The following MYO5C variants were observed in gnomAD, a reference collection of about 807,000 sequenced individuals.
MYO5C encodes myosin VC.
MYO5C carries 194 observed loss-of-function variants against 235.7 expected under a neutral mutation model. That is an observed-to-expected ratio of 0.82 (90% CI 0.73 to 0.93). MYO5C has a LOEUF of 0.93. Ranked by LOEUF, MYO5C falls within the 40% of genes least tolerant of loss-of-function variation. MYO5C has a pLI of 0.00. For missense variants in MYO5C, 2,038 were observed against 2,127.2 expected (o/e 0.96, Z 0.82); for synonymous variants, 707 against 754.8 (o/e 0.94, Z 1.04).
intron 5 of MYO5C, among the ~76,000 whole-genome samples, 182 bp downstream of exon 5, chr15:52,275,380 A>G (rs2037019521): frequency 6.6e-6 from 1 of 152,178 alleles, no homozygotes; most frequent in South Asian, 2.1e-4. Flanking sequence ...AGAGCCTTGA[A>G]AGTAACAATT....
chr15:52,238,931 G>A (rs1418124184), intron 21 of MYO5C, among the ~76,000 whole-genome samples: 1 of 149,078 alleles, frequency 6.7e-6, no homozygotes, highest in Admixed American at 6.7e-5. Context: ...GTGAGCCACC[G>A]CACCCAGCTG....
intron 29 of MYO5C, 131 bp from the exon 30 acceptor site, chr15:52,221,386 G>A (rs1381045888): frequency 2.1e-5 from 13 of 620,178 alleles, no homozygotes; most frequent in African/African-American, 5.5e-5. Flanking sequence ...AGCTAGCCAC[G>A]ACATTAGACT....
chr15:52,245,453 G>A lies in MYO5C; in HGVS notation c.2079C>T (p.Ile693=), dbSNP rs764353928. 60 of 1,613,092 alleles carry A rather than the reference G, an allele frequency of 3.7e-5. 2 individuals are homozygous for A. Among genetic ancestry groups the A allele is most frequent in the South Asian group, 2.9e-4 (26 of 91,068 alleles). ...AQSYPSRWTY[I]EFYSRYGILM... ...GAATGCCGTAGCGACTGTAGAACTC[G>A]ATGTATGTCCACCTGGAAAATCAAA... Residue 693 remains isoleucine (I), a synonymous_variant, in exon 18 of 41, where the codon ATC becomes ATT. Coordinates refer to ENST00000261839, the MANE Select transcript of MYO5C (RefSeq NM_018728.4).
intron 32 of MYO5C, among the ~76,000 whole-genome samples, chr15:52,217,216 C>T (rs1026058542): frequency 3.9e-5 from 6 of 152,178 alleles, no homozygotes; most frequent in Admixed American, 6.5e-5. Flanking sequence ...GAGGCTACTC[C>T]GGGTTCAGAA....
chr15:52,200,382 A>G (rs1447305737), intron 38 of MYO5C, among the ~76,000 whole-genome samples: 3 of 152,150 alleles, frequency 2.0e-5, no homozygotes, highest in Non-Finnish European at 2.9e-5. Context: ...AGCTTGGCCA[A>G]CATGGTGAAA....
At chr15:52,202,331 C>G (rs1036574259) in intron 38 of MYO5C, among the ~76,000 whole-genome samples, 2 of 152,112 alleles carry the variant, frequency 1.3e-5, no homozygotes, top group Admixed American at 1.3e-4. Flanking sequence ...GAGCCAAGAT[C>G]GTGCCACTGT....
intron 11 of MYO5C, among the ~76,000 whole-genome samples, chr15:52,255,630 A>G (rs777521395): frequency 4.6e-5 from 7 of 152,252 alleles, no homozygotes; most frequent in Non-Finnish European, 1.0e-4. Flanking sequence ...TGTTAGGAGC[A>G]GAAAGGCGTC....
chr15:52,220,751 C>T (rs1323237768), intron 30 of MYO5C, among the ~76,000 whole-genome samples: 1 of 151,160 alleles, frequency 6.6e-6, no homozygotes, highest in Admixed American at 6.6e-5. Context: ...CACTTGAACC[C>T]GGGAGGCGGA....
At chr15:52,271,529 C>T (rs2036925587) in intron 7 of MYO5C, among the ~76,000 whole-genome samples, 2 of 151,982 alleles carry the variant, frequency 1.3e-5, no homozygotes, top group African/African-American at 4.8e-5. Context: ...ACGCCAGGCC[C>T]AATGAGCTTT....
chr15:52,271,272 A>G (rs1305661246), intron 7 of MYO5C, among the ~76,000 whole-genome samples: 1 of 150,998 alleles, frequency 6.6e-6, no homozygotes, highest in Non-Finnish European at 1.5e-5. Context: ...TCTGTTGCCC[A>G]GGCTGGAGTG....
chr15:52,226,456 G>C (rs2035824129), intron 25 of MYO5C, among the ~76,000 whole-genome samples: 1 of 152,226 alleles, frequency 6.6e-6, no homozygotes, highest in Admixed American at 6.5e-5. Context: ...AGGACTTTCA[G>C]GGACAGCAGA....
At chr15:52,273,070 G>C (rs1388159357) in intron 5 of MYO5C, among the ~76,000 whole-genome samples, 1 of 152,196 alleles carries the variant, frequency 6.6e-6, no homozygotes, top group Non-Finnish European at 1.5e-5. Context: ...TGTAATCCCA[G>C]CACTTCAGGA....
In MYO5C at chr15:52,282,952, T is replaced by C. The variant is rs190145630; in HGVS notation, c.28-60A>G. The C allele has an allele frequency of 1.0e-5, 11 of 1,061,536 alleles. No individual in the cohort carries two copies. The East Asian group carries it at 1.2e-4, about 11-fold the overall frequency. The allele number at this position is 1,061,536 out of a possible 1,614,324, so 65.8% of individuals were successfully genotyped here. A position where few individuals can be genotyped will look rare whatever the true frequency, so the allele number is the denominator to read the frequency against. ...ACTTCCAAAATTATGGATCAATGCATGGTTAGACACAGGAAGGTTTCTTTC... is the reference window on the plus strand; with the variant it reads ...ACTTCCAAAATTATGGATCAATGCACGGTTAGACACAGGAAGGTTTCTTTC... On this transcript the variant is annotated intron_variant, in intron 1 of 40. Transcript: ENST00000261839.
intron 32 of MYO5C, 31 bp downstream of exon 32, chr15:52,218,488 G>A: frequency 6.2e-7 from 1 of 1,609,418 alleles, no homozygotes; most frequent in Non-Finnish European, 8.5e-7. Flanking sequence ...CACACAGACA[G>A]TCTTTATCAC....
Position 52,282,791 on chromosome 15 carries a change from C to A in MYO5C, c.129G>T (p.Glu43Asp). ...VGDKVLRLLLEDGTELDYSVN... is the reference protein window; with the variant it reads ...VGDKVLRLLLDDGTELDYSVN... ...CAGCAAGGACCCTCACCGTTCCATC[C>A]TCCAGCAGGAGTCGCAGGACCTTGT... Residue 43 changes from glutamate (E) to aspartate (D), a missense_variant, in exon 2 of 41, where the codon GAG (glutamate) becomes GAT (aspartate). Coordinates refer to ENST00000261839, the MANE Select transcript of MYO5C (RefSeq NM_018728.4). 1 of 1,608,308 alleles carries A rather than the reference C, an allele frequency of 6.2e-7. No homozygotes were observed. The highest frequency in any genetic ancestry group is 2.2e-5 in the East Asian group (1 of 44,852).
At chr15:52,286,659 T>C (rs2037281152) in intron 1 of MYO5C, among the ~76,000 whole-genome samples, 1 of 152,118 alleles carries the variant, frequency 6.6e-6, no homozygotes. Flanking sequence ...CTGTGCTCTC[T>C]GAAACATGTG....
chr15:52,274,463 G>A (rs1246440659), intron 5 of MYO5C, among the ~76,000 whole-genome samples: 4 of 152,080 alleles, frequency 2.6e-5, no homozygotes, highest in Admixed American at 2.6e-4. Context: ...ATTTTTGGTA[G>A]AGATGGGGTT....
chr15:52,294,591 GGGAAAT>G (rs1402761349), intron 1 of MYO5C, among the ~76,000 whole-genome samples: 2 of 152,192 alleles, frequency 1.3e-5, no homozygotes, highest in Non-Finnish European at 2.9e-5. Context: ...CATGTGTCCG[GGGAAAT>G]GGATGGATTC....
chr15:52,269,697 T>C, intron 8 of MYO5C, 56 bp downstream of exon 8: 3 of 1,298,252 alleles, frequency 2.3e-6, no homozygotes, highest in East Asian at 2.3e-5. Context: ...GGCCTTAATT[T>C]TTTTTTTTTT....
Sources: gnomAD v4.1 joint callset for allele counts (sites outside exome capture counted in the v4.1 genomes callset) on GRCh38, gnomAD v4.1.1 for gene constraint, MANE v1.5 for transcripts, NCBI Gene and HGNC (gene_info 2026-07-23, HGNC 2026-07-21) for gene names.